The following KCNH1 variants were observed in gnomAD, a reference collection of about 807,000 sequenced individuals.
KCNH1 encodes potassium voltage-gated channel subfamily H member 1.
In KCNH1, 27 loss-of-function variants were observed where a neutral mutation model predicts 69.2. The observed-to-expected ratio is 0.39, with a 90% confidence interval of 0.29 to 0.54. The LOEUF (loss-of-function observed/expected upper bound fraction) is 0.54. Ranked by LOEUF, KCNH1 falls within the 20% of genes least tolerant of loss-of-function variation. KCNH1 has a pLI of 0.68. For synonymous variants in KCNH1, 456 were observed against 487.7 expected (o/e 0.93, Z 0.86); for missense variants, 798 against 1,261.6 (o/e 0.63, Z 5.57).
chr1:211,118,265 A>G lies in KCNH1; in HGVS notation c.80-10888T>C, dbSNP rs559111577. On this transcript the variant is annotated intron_variant, in intron 1 of 10. Transcript: ENST00000271751. ...GTATATATGTATCTTTTACAAGTAG[A>G]ATATGTAACTTCCAATCAGCCAATA... is the stretch of plus-strand genomic sequence containing the variant. Among the ~76,000 whole-genome samples, 6 of 152,380 alleles carry G rather than the reference A, an allele frequency of 3.9e-5. No homozygotes were observed. In the East Asian group the frequency reaches 1.2e-3, roughly 29 times the overall value.
At chr1:210,921,034 C>T (rs1003300551) in intron 6 of KCNH1, among the ~76,000 whole-genome samples, 4 of 152,152 alleles carry the variant, frequency 2.6e-5, no homozygotes, top group African/African-American at 9.7e-5. Context: ...GGGTCTGAGA[C>T]AAACATAAAC....
chr1:211,007,518 C>T (rs1295094028), intron 6 of KCNH1, among the ~76,000 whole-genome samples: 1 of 152,184 alleles, frequency 6.6e-6, no homozygotes, highest in Non-Finnish European at 1.5e-5. Context: ...TCATGTGGTC[C>T]TCCCGTTTCC....
At chr1:210,798,126 G>A (rs1010383635) in intron 8 of KCNH1, among the ~76,000 whole-genome samples, 26 of 148,862 alleles carry the variant, frequency 1.7e-4, no homozygotes, top group African/African-American at 5.5e-4. Context: ...TGCAAGCTCC[G>A]CCTCCCAGGT....
At chr1:210,997,734 A>C (rs1183242358) in intron 6 of KCNH1, among the ~76,000 whole-genome samples, 1 of 152,248 alleles carries the variant, frequency 6.6e-6, no homozygotes, top group Non-Finnish European at 1.5e-5. Context: ...GTTGAAATGA[A>C]GGAAAAAATG....
chr1:211,063,028 T>C (rs776093257), intron 5 of KCNH1, among the ~76,000 whole-genome samples: 3 of 152,198 alleles, frequency 2.0e-5, no homozygotes, highest in Non-Finnish European at 4.4e-5. Context: ...TACAGCACTA[T>C]TCGCAATAGC....
intron 7 of KCNH1, among the ~76,000 whole-genome samples, chr1:210,875,695 C>A (rs1055495176): frequency 2.0e-5 from 3 of 151,598 alleles, no homozygotes; most frequent in Admixed American, 6.6e-5. Context: ...CCCAGCTACT[C>A]GGGAAGCTGA....
intron 5 of KCNH1, among the ~76,000 whole-genome samples, chr1:211,043,828 A>T (rs1690045750): frequency 6.6e-6 from 1 of 152,228 alleles, no homozygotes; most frequent in Non-Finnish European, 1.5e-5. Context: ...AAACAGAATT[A>T]AAAACAAAAA....
chr1:210,697,011 G>A (rs1395664613), intron 10 of KCNH1, among the ~76,000 whole-genome samples: 1 of 152,272 alleles, frequency 6.6e-6, no homozygotes, highest in Non-Finnish European at 1.5e-5. Flanking sequence ...CTGTGAAGTC[G>A]AAACTATTAT....
intron 7 of KCNH1, among the ~76,000 whole-genome samples, chr1:210,847,184 G>C (rs1442058720): frequency 6.6e-6 from 1 of 152,180 alleles, no homozygotes; most frequent in African/African-American, 2.4e-5. Flanking sequence ...ATTCCTCAGG[G>C]ATCTGGAACT....
At chr1:210,958,892 C>A (rs1028382301) in intron 6 of KCNH1, among the ~76,000 whole-genome samples, 1 of 152,170 alleles carries the variant, frequency 6.6e-6, no homozygotes. Flanking sequence ...TTATTACCGG[C>A]CTTCTGAAGC....
At chr1:211,067,472 G>A (rs898158531) in intron 5 of KCNH1, among the ~76,000 whole-genome samples, 3 of 152,170 alleles carry the variant, frequency 2.0e-5, no homozygotes, top group African/African-American at 4.8e-5. Flanking sequence ...CTTCCTGTCA[G>A]GCTGGTAGAG....
At chr1:210,770,142 AT>A (rs1484407992) in intron 10 of KCNH1, among the ~76,000 whole-genome samples, 1 of 149,994 alleles carries the variant, frequency 6.7e-6, no homozygotes, top group Non-Finnish European at 1.5e-5. Flanking sequence ...ATAAGTGGGA[AT>A]TGAACAATGA....
rs139794690 is a variant in KCNH1 at position 211,122,174 on chromosome 1, A to G, written c.79+11693T>C. Among the ~76,000 whole-genome samples the G allele has an allele frequency of 9.4e-3, 1,434 of 152,260 alleles. 19 individuals carry two copies. Among genetic ancestry groups the G allele is most frequent in the Middle Eastern group, 0.02 (6 of 294 alleles). ...ATCGAAAAGTGGACAAAGGATATGAACAGACACTTCTCAAAATAAGACATT... is the reference window on the plus strand; with the variant it reads ...ATCGAAAAGTGGACAAAGGATATGAGCAGACACTTCTCAAAATAAGACATT... On this transcript the variant is annotated intron_variant, in intron 1 of 10. Transcript: ENST00000271751.
chr1:210,892,578 T>C (rs561059937), intron 7 of KCNH1, among the ~76,000 whole-genome samples: 5 of 152,134 alleles, frequency 3.3e-5, no homozygotes, highest in Non-Finnish European at 7.3e-5. Flanking sequence ...TATGAGTTCA[T>C]TTAAGAAGTA....
chr1:210,986,417 G>GCAAAACTGCA (rs1207537023), intron 6 of KCNH1, among the ~76,000 whole-genome samples: 3 of 152,174 alleles, frequency 2.0e-5, no homozygotes, highest in African/African-American at 7.2e-5. Context: ...TGCAGTGGCT[G>GCAAAACTGCA]GTACTGGTTG....
At chr1:210,844,578 G>T (rs1477828851) in intron 7 of KCNH1, among the ~76,000 whole-genome samples, 3 of 152,200 alleles carry the variant, frequency 2.0e-5, no homozygotes, top group African/African-American at 7.2e-5. Flanking sequence ...ATTCAAAGCA[G>T]TGTGTAGAGG....
chr1:211,002,336 GTGTATA>G lies in KCNH1; in HGVS notation c.1032+16441_1032+16446del, dbSNP rs1320157663. Reference sequence around the variant, plus strand: ...TACGTGTATATATATATGTGTGTGTGTGTATATATATATATATACACACACACATAT... The same window carrying G: ...TACGTGTATATATATATGTGTGTGTGTATATATATATACACACACACATAT... On this transcript the variant is annotated intron_variant, in intron 6 of 10. Transcript: ENST00000271751. Among the ~76,000 whole-genome samples, 58 of 141,470 alleles carry G rather than the reference GTGTATA, an allele frequency of 4.1e-4. 1 individual carries two copies. The South Asian group carries it at 6.9e-3, about 17-fold the overall frequency. The allele number at this position is 141,470 out of a possible 152,430, so 92.8% of individuals were successfully genotyped here. A position where few individuals can be genotyped will look rare whatever the true frequency, so the allele number is the denominator to read the frequency against.
chr1:210,870,548 G>A (rs1466488683), intron 7 of KCNH1, among the ~76,000 whole-genome samples: 1 of 152,120 alleles, frequency 6.6e-6, no homozygotes, highest in Admixed American at 6.5e-5. Context: ...TCTGCTAACA[G>A]CTTCAGCCTC....
In KCNH1 at chr1:210,683,205, G is replaced by C; in HGVS notation, c.*76C>G. On this transcript the variant is annotated 3_prime_UTR_variant, in exon 11 of 11. Coordinates refer to ENST00000271751, the MANE Select transcript of KCNH1 (RefSeq NM_172362.3). The surrounding 1 kb of genome is among the most constrained non-coding windows in gnomAD (Gnocchi z 5.7). ...CCTACTTGAAAATTGTTGGTCATGT[G>C]GACATATGTGGTAGGGGTGGTGGTG... The C allele has an allele frequency of 1.4e-6, 2 of 1,394,444 alleles. No individual in the cohort carries two copies. The highest frequency in any genetic ancestry group is 9.8e-7 in the Non-Finnish European group (1 of 1,021,378). The allele number at this position is 1,394,444 out of a possible 1,614,324, so 86.4% of individuals were successfully genotyped here. A position where few individuals can be genotyped will look rare whatever the true frequency, so the allele number is the denominator to read the frequency against.
Sources: gnomAD v4.1 joint callset for allele counts (sites outside exome capture counted in the v4.1 genomes callset) on GRCh38, gnomAD v4.1.1 for gene constraint, Gnocchi (gnomAD v3.1) non-coding constraint, MANE v1.5 for transcripts, NCBI Gene and HGNC (gene_info 2026-07-23, HGNC 2026-07-21) for gene names.